Variants in PALM2AKAP2 observed in about 807,000 individuals in gnomAD.
The protein encoded by PALM2AKAP2 is PALM2-AKAP2 fusion protein.
A neutral mutation model predicts 71.5 loss-of-function variants in PALM2AKAP2; 37 were observed. The ratio of observed to expected loss-of-function variants is 0.52; its 90% CI spans 0.40 to 0.68. PALM2AKAP2 has a LOEUF of 0.68. Among genes scored for constraint, PALM2AKAP2 ranks in the 30% least tolerant of loss-of-function variants. PALM2AKAP2 has a pLI of 0.00. For synonymous variants in PALM2AKAP2, 468 were observed against 478.8 expected, an observed-to-expected ratio of 0.98 and a Z score of 0.29; for missense variants, 1,224 against 1,191.8, an observed-to-expected ratio of 1.03 and a Z score of -0.40.
intron 1 of PALM2AKAP2, among the ~76,000 whole-genome samples, chr9:109,665,644 G>T (rs1177034294): frequency 6.6e-6 from 1 of 152,218 alleles, no homozygotes; most frequent in Non-Finnish European, 1.5e-5. Flanking sequence ...CTACGTGGCG[G>T]TCAGGGACCC....
rs114625951 is a variant in PALM2AKAP2, at chr9:109,927,246, A to G, written c.394+2164A>G. Among the ~76,000 whole-genome samples, 320 of 152,320 alleles carry G rather than the reference A, an allele frequency of 2.1e-3. 3 individuals are homozygous for G. The highest frequency in any genetic ancestry group is 7.4e-3 in the African/African-American group (307 of 41,562). On this transcript the variant is annotated intron_variant, in intron 5 of 9. Coordinates refer to the PALM2AKAP2 transcript ENST00000302798. ...GGGAACACATACATCCCAGAATGTGATTGATGTATATAGAGTCACAATGTG... is the reference window on the plus strand; with the variant it reads ...GGGAACACATACATCCCAGAATGTGGTTGATGTATATAGAGTCACAATGTG...
chr9:110,145,257 A>G (rs1836135465), intron 2 of PALM2AKAP2, among the ~76,000 whole-genome samples: 2 of 152,172 alleles, frequency 1.3e-5, no homozygotes, highest in African/African-American at 4.8e-5. Flanking sequence ...ACTCAATTCC[A>G]ATGCCCCAAA....
At chr9:110,020,246 A>G (rs921486669) in intron 7 of PALM2AKAP2, among the ~76,000 whole-genome samples, 3 of 152,216 alleles carry the variant, frequency 2.0e-5, no homozygotes, top group Non-Finnish European at 4.4e-5. Flanking sequence ...TAGTATTTAT[A>G]AATTTTCTTT....
chr9:110,125,601 G>A (rs546425630), intron 1 of PALM2AKAP2: 3 of 985,234 alleles, frequency 3.0e-6, no homozygotes, highest in South Asian at 4.7e-5. Context: ...GGCAGGGTAA[G>A]CCAAGTCTGC....
intron 5 of PALM2AKAP2, among the ~76,000 whole-genome samples, chr9:109,926,663 AG>A (rs1320141265): frequency 6.6e-6 from 1 of 152,208 alleles, no homozygotes; most frequent in Non-Finnish European, 1.5e-5. Context: ...CTACCCAAAG[AG>A]TGCATGTCGG....
chr9:110,116,416 G>C (rs542653616), intron 1 of PALM2AKAP2, among the ~76,000 whole-genome samples: 1 of 152,112 alleles, frequency 6.6e-6, no homozygotes, highest in Non-Finnish European at 1.5e-5. Context: ...GCGTGTGCGC[G>C]TGCACGCGCA....
At chr9:110,011,036 T>TAC (rs1330635350) in intron 6 of PALM2AKAP2, among the ~76,000 whole-genome samples, 2 of 140,550 alleles carry the variant, frequency 1.4e-5, no homozygotes, top group Non-Finnish European at 3.1e-5. Context: ...TATATATATA[T>TAC]ACTTTTGTAT....
chr9:110,072,337 G>T (rs1169125458), intron 1 of PALM2AKAP2, among the ~76,000 whole-genome samples: 1 of 152,160 alleles, frequency 6.6e-6, no homozygotes, highest in Non-Finnish European at 1.5e-5. Context: ...GTGGCTAAGG[G>T]TGGCAAGGGG....
At chr9:109,687,077 T>C (rs1054547910) in intron 1 of PALM2AKAP2, among the ~76,000 whole-genome samples, 2 of 152,142 alleles carry the variant, frequency 1.3e-5, no homozygotes, top group Non-Finnish European at 2.9e-5. Context: ...CAGTATATCA[T>C]TGTTGGTCAT....
At chr9:110,053,527 CAAAAAA>C (rs56132919) in intron 1 of PALM2AKAP2, among the ~76,000 whole-genome samples, 1 of 82,866 alleles carries the variant, frequency 1.2e-5, no homozygotes, top group East Asian at 4.0e-4. Flanking sequence ...AACTCTGTCT[CAAAAAA>C]AAAAAAAAAA....
intron 1 of PALM2AKAP2, 114 bp downstream of exon 1, chr9:109,780,647 G>T: frequency 6.8e-7 from 1 of 1,477,200 alleles, no homozygotes; most frequent in Non-Finnish European, 9.4e-7. Flanking sequence ...ATATGTTCCA[G>T]GGGCTAAAAC....
At chr9:109,692,999 C>T (rs531188792) in intron 1 of PALM2AKAP2, among the ~76,000 whole-genome samples, 3 of 151,586 alleles carry the variant, frequency 2.0e-5, no homozygotes, top group Admixed American at 1.3e-4. Flanking sequence ...ATAAAATAAA[C>T]TTGAAAGTGT....
At chr9:109,659,736 A>G (rs920344983) in intron 1 of PALM2AKAP2, among the ~76,000 whole-genome samples, 1 of 152,242 alleles carries the variant, frequency 6.6e-6, no homozygotes, top group African/African-American at 2.4e-5. Flanking sequence ...ACTAAAATTC[A>G]TATTGCTCCA....
chr9:109,711,117 C>T (rs1828228330), intron 1 of PALM2AKAP2, among the ~76,000 whole-genome samples: 1 of 151,872 alleles, frequency 6.6e-6, no homozygotes, highest in South Asian at 2.1e-4. Context: ...CATATTTGGA[C>T]ATTGTTGCCC....
At chr9:109,802,000 A>C (rs1490674868) in intron 1 of PALM2AKAP2, among the ~76,000 whole-genome samples, 1 of 152,222 alleles carries the variant, frequency 6.6e-6, no homozygotes, top group Non-Finnish European at 1.5e-5. Flanking sequence ...CCAGCTGGAC[A>C]CAAAATGCCA....
intron 1 of PALM2AKAP2, among the ~76,000 whole-genome samples, chr9:110,132,030 A>AGT (rs1554754951): frequency 1.2e-5 from 1 of 80,944 alleles, no homozygotes; most frequent in East Asian, 3.7e-4. Context: ...ACAAGTAACT[A>AGT]GCGTGTGTGT....
chr9:110,064,551 G>T (rs577449991), intron 1 of PALM2AKAP2, among the ~76,000 whole-genome samples: 1 of 152,346 alleles, frequency 6.6e-6, no homozygotes, highest in East Asian at 1.9e-4. Context: ...AGCCTGTGTA[G>T]TTAGTGGTAT....
intron 7 of PALM2AKAP2, among the ~76,000 whole-genome samples, chr9:110,039,461 G>A (rs1833475059): frequency 6.6e-6 from 1 of 152,150 alleles, no homozygotes; most frequent in Non-Finnish European, 1.5e-5. Flanking sequence ...AGGGAGGGAT[G>A]GCGAGGCTGA....
intron 5 of PALM2AKAP2, among the ~76,000 whole-genome samples, chr9:109,926,690 C>CA (rs1830965354): frequency 6.6e-6 from 1 of 151,602 alleles, no homozygotes; most frequent in Admixed American, 6.6e-5. Flanking sequence ...TATGCTTTCA[C>CA]TTTTTTTTTC....
Sources: allele counts gnomAD v4.1 joint callset (sites outside exome capture counted in the v4.1 genomes callset), GRCh38; gene constraint gnomAD v4.1.1; transcripts MANE v1.5; gene names NCBI Gene and HGNC (gene_info 2026-07-23, HGNC 2026-07-21).